The following SLC4A1AP variants were observed in gnomAD, a reference collection of about 807,000 sequenced individuals.
SLC4A1AP encodes the protein kanadaptin.
SLC4A1AP carries 64 observed loss-of-function variants against 89.7 expected under a neutral mutation model. The observed-to-expected ratio is 0.71, with a 90% CI of 0.58 to 0.88. The LOEUF is 0.88. Among genes scored for constraint, SLC4A1AP ranks in the 40% least tolerant of loss-of-function variants. The pLI is 0.00. For synonymous variants in SLC4A1AP, 366 were observed against 353.3 expected, an observed-to-expected ratio of 1.04 and a Z score of -0.40; for missense variants, 931 against 965.0, an observed-to-expected ratio of 0.96 and a Z score of 0.47.
chr2:27,688,166 C>A, intron 11 of SLC4A1AP, 146 bp downstream of exon 11: 1 of 625,878 alleles, frequency 1.6e-6, no homozygotes, highest in Non-Finnish European at 2.8e-6. Context: ...AAAGTTGGAA[C>A]ATAAGAGAGG....
intron 2 of SLC4A1AP, among the ~76,000 whole-genome samples, chr2:27,666,352 A>ACCACCCACCCC (rs1558504861): frequency 2.9e-4 from 1 of 3,420 alleles, no homozygotes; most frequent in Non-Finnish European, 8.8e-4. Context: ...CTTGTGATCC[A>ACCACCCACCCC]CCCCCCACCC....
chr2:27,666,548 G>A (rs891436172), intron 2 of SLC4A1AP, among the ~76,000 whole-genome samples: 6 of 152,096 alleles, frequency 3.9e-5, no homozygotes, highest in Admixed American at 3.3e-4. Flanking sequence ...TAAGGAAGTT[G>A]TGAGTAGACC....
chr2:27,675,535 C>A, exon 6 of SLC4A1AP: 1 of 1,566,042 alleles, frequency 6.4e-7, no homozygotes, highest in Admixed American at 1.9e-5. Context: ...CCTCTAGTAT[C>A]TCGGAAAAGG....
At chr2:27,665,230 A>G (rs1435652445) in exon 2 of SLC4A1AP, 2 of 1,613,628 alleles carry the variant, frequency 1.2e-6, no homozygotes, top group African/African-American at 1.3e-5. Context: ...GAGGAAATGG[A>G]TACCTCTGAA....
chr2:27,669,003 G>T (rs1675378989), intron 4 of SLC4A1AP, 100 bp downstream of exon 4: 2 of 1,246,158 alleles, frequency 1.6e-6, no homozygotes, highest in Non-Finnish European at 2.3e-6. Flanking sequence ...TTTCATCTAA[G>T]TTTAAGCTAT....
chr2:27,663,919 C>G (rs773941324), exon 1 of SLC4A1AP: 2 of 1,614,172 alleles, frequency 1.2e-6, no homozygotes, highest in Non-Finnish European at 1.7e-6. Flanking sequence ...TTGAGGATGG[C>G]TGACATTCTC....
intron 5 of SLC4A1AP, among the ~76,000 whole-genome samples, chr2:27,674,845 G>T (rs2148134315): frequency 6.6e-6 from 1 of 151,460 alleles, no homozygotes; most frequent in Non-Finnish European, 1.5e-5. Context: ...CTGAGTAGCT[G>T]GGATTACAGG....
intron 5 of SLC4A1AP, among the ~76,000 whole-genome samples, chr2:27,674,867 A>G (rs1409174061): frequency 6.6e-6 from 1 of 151,872 alleles, no homozygotes; most frequent in Admixed American, 6.6e-5. Context: ...ACCCGCCACT[A>G]TGCCCATCTA....
intron 5 of SLC4A1AP, among the ~76,000 whole-genome samples, chr2:27,673,888 G>T (rs1222286807): frequency 6.6e-6 from 1 of 152,094 alleles, no homozygotes; most frequent in Non-Finnish European, 1.5e-5. Flanking sequence ...CAGGATGAAG[G>T]AACAGGAGTG....
chr2:27,676,428 CTCTT>C (rs1558507428), intron 6 of SLC4A1AP, among the ~76,000 whole-genome samples: 1 of 152,188 alleles, frequency 6.6e-6, no homozygotes, highest in African/African-American at 2.4e-5. Context: ...ATGCCTTGAG[CTCTT>C]TCTTCTGAGT....
At chr2:27,684,563 A>G (rs954571904) in intron 9 of SLC4A1AP, among the ~76,000 whole-genome samples, 1 of 152,198 alleles carries the variant, frequency 6.6e-6, no homozygotes, top group Non-Finnish European at 1.5e-5. Flanking sequence ...TTCTTTGAGA[A>G]ATGTCTTCCT....
intron 12 of SLC4A1AP, chr2:27,692,145 A>G (rs1675798453): frequency 6.6e-6 from 1 of 152,142 alleles, no homozygotes; most frequent in Admixed American, 6.6e-5. Context: ...TTAACACTAT[A>G]AATTTTTCCT....
exon 6 of SLC4A1AP, chr2:27,675,669 A>G (rs1442960796): frequency 2.5e-6 from 4 of 1,595,928 alleles, no homozygotes; most frequent in Non-Finnish European, 3.4e-6. Flanking sequence ...GATTGATGAG[A>G]AGCCAGAGAC....
At chr2:27,664,950 A>G (rs113657793) in intron 1 of SLC4A1AP, 150 bp from the exon 2 acceptor site, 9 of 576,568 alleles carry the variant, frequency 1.6e-5, no homozygotes, top group African/African-American at 1.4e-4. Flanking sequence ...CCAGCTGCTC[A>G]GGAGGCTGAG....
chr2:27,666,370 C>T (rs1572988137), intron 2 of SLC4A1AP, among the ~76,000 whole-genome samples: 1 of 36,316 alleles, frequency 2.8e-5, no homozygotes, highest in African/African-American at 9.4e-5. Flanking sequence ...CCCCCCCCCC[C>T]CACCCCGCCC....
intron 2 of SLC4A1AP, among the ~76,000 whole-genome samples, chr2:27,666,377 GCCCC>G (rs1675323894): frequency 9.4e-5 from 1 of 10,590 alleles, no homozygotes; most frequent in Non-Finnish European, 2.5e-4. Context: ...CCCCCACCCC[GCCCC>G]CCGGCCTCCC....
chr2:27,684,888 T>C, intron 9 of SLC4A1AP, 149 bp from the exon 10 acceptor site: 1 of 838,596 alleles, frequency 1.2e-6, no homozygotes, highest in Non-Finnish European at 1.8e-6. Context: ...AAATTTCATG[T>C]CAAAGTCCCA....
At chr2:27,673,484 C>T (rs1018933159) in intron 5 of SLC4A1AP, among the ~76,000 whole-genome samples, 2 of 122,190 alleles carry the variant, frequency 1.6e-5, no homozygotes, top group Non-Finnish European at 3.2e-5. Context: ...CCCTTCCTTC[C>T]TTCTCTTTCC....
At chr2:27,693,567 CTT>C in intron 12 of SLC4A1AP, 116 bp from the exon 13 acceptor site, 1 of 664,638 alleles carries the variant, frequency 1.5e-6, no homozygotes, top group Non-Finnish European at 2.5e-6. Flanking sequence ...ATACAAAATT[CTT>C]GACTAATGTT....
Sources: allele counts gnomAD v4.1 joint callset (sites outside exome capture counted in the v4.1 genomes callset), GRCh38; gene constraint gnomAD v4.1.1; transcripts MANE v1.5; gene names NCBI Gene and HGNC (gene_info 2026-07-23, HGNC 2026-07-21).